AFF1: variants seen among roughly 807,000 people sequenced by gnomAD.
AFF1 encodes the protein AF4/FMR2 family member 1.
A neutral mutation model predicts 121.7 loss-of-function variants in AFF1; 48 were observed. The observed-to-expected ratio is 0.39, with a 90% confidence interval of 0.31 to 0.50. The LOEUF (loss-of-function observed/expected upper bound fraction) is 0.50. AFF1 is among the 20% of genes least tolerant of loss of function. AFF1 has a pLI of 0.76. For synonymous variants in AFF1, 613 were observed against 563.0 expected (o/e 1.09, Z -1.26); for missense variants, 1,523 against 1,511.7 (o/e 1.01, Z -0.12).
At chr4:86,991,850 T>TA (rs1724753634) in intron 2 of AFF1, among the ~76,000 whole-genome samples, 2 of 151,772 alleles carry the variant, frequency 1.3e-5, no homozygotes, top group Non-Finnish European at 2.9e-5. Flanking sequence ...TTTTTTTTTT[T>TA]TTTTACATCC....
intron 6 of AFF1, among the ~76,000 whole-genome samples, chr4:87,090,712 T>A (rs1303021586): frequency 6.6e-6 from 1 of 152,122 alleles, no homozygotes; most frequent in East Asian, 1.9e-4. Context: ...TCCATGATAC[T>A]GTTGTGAAAA....
At chr4:87,006,909 A>T in intron 2 of AFF1, 1 of 984,944 alleles carries the variant, frequency 1.0e-6, no homozygotes, top group Non-Finnish European at 1.2e-6. Flanking sequence ...CTGCCCATTT[A>T]AGTAGGCGGG....
chr4:87,035,332 A>C lies in AFF1; in HGVS notation c.39-10834A>C, dbSNP rs542828508. Among the ~76,000 whole-genome samples the C allele has an allele frequency of 3.6e-3, 541 of 152,132 alleles. 7 individuals are homozygous for C. The highest frequency in any genetic ancestry group is 0.013 in the African/African-American group (521 of 41,510). On this transcript the variant is annotated intron_variant, in intron 2 of 20. Coordinates refer to ENST00000395146, the MANE Select transcript of AFF1 (RefSeq NM_001166693.3). Reference sequence around the variant, plus strand: ...ATCCCAGCACTTTGGGAGGCCGAGGAGGGCAGATCACGAGGTCAGGAGATC... The same window carrying C: ...ATCCCAGCACTTTGGGAGGCCGAGGCGGGCAGATCACGAGGTCAGGAGATC...
intron 6 of AFF1, 54 bp downstream of exon 6, chr4:87,090,124 G>A (rs1560614731): frequency 1.4e-6 from 2 of 1,414,714 alleles, no homozygotes; most frequent in East Asian, 2.3e-5. Flanking sequence ...AAAAGCGTAA[G>A]GCATTGCTGT....
chr4:87,076,659 TTTG>T (rs933459255), intron 4 of AFF1, among the ~76,000 whole-genome samples: 15 of 152,226 alleles, frequency 9.9e-5, no homozygotes, highest in African/African-American at 3.6e-4. Flanking sequence ...ATGGCTGTTT[TTTG>T]TTGTTGTTTT....
intron 4 of AFF1, among the ~76,000 whole-genome samples, chr4:87,065,653 G>A (rs1046165566): frequency 1.6e-4 from 24 of 152,202 alleles, no homozygotes; most frequent in Non-Finnish European, 2.9e-5. Flanking sequence ...TATCATGGAG[G>A]AAAGACTGGT....
At chr4:87,123,328 C>T (rs550433128) in intron 12 of AFF1, among the ~76,000 whole-genome samples, 6 of 152,252 alleles carry the variant, frequency 3.9e-5, no homozygotes, top group South Asian at 2.1e-4. Flanking sequence ...TCTACTAAGT[C>T]ATTTCAGACT....
chr4:86,983,059 T>G (rs2149492970), intron 2 of AFF1, among the ~76,000 whole-genome samples: 1 of 152,038 alleles, frequency 6.6e-6, no homozygotes, highest in East Asian at 1.9e-4. Context: ...GTGTTTTGTT[T>G]TATAAGCCTG....
intron 1 of AFF1, among the ~76,000 whole-genome samples, chr4:86,941,244 C>G (rs2705616): frequency 0.41 from 61,722 of 152,144 alleles, 15,156 homozygotes; most frequent in South Asian, 0.59. Flanking sequence ...GGTACAGTGC[C>G]TCATGCCTGT....
At chr4:86,994,223 A>G (rs1313221708) in intron 2 of AFF1, among the ~76,000 whole-genome samples, 1 of 152,232 alleles carries the variant, frequency 6.6e-6, no homozygotes, top group African/African-American at 2.4e-5. Flanking sequence ...ATTAATCAAA[A>G]CACACGAAGT....
intron 2 of AFF1, among the ~76,000 whole-genome samples, chr4:87,031,096 A>G (rs1283262830): frequency 6.6e-6 from 1 of 152,138 alleles, no homozygotes; most frequent in Admixed American, 6.6e-5. Context: ...GCTCTGAAAG[A>G]TAATTGAGGC....
intron 14 of AFF1, 64 bp from the exon 15 acceptor site, chr4:87,126,962 G>A (rs116081280): frequency 0.025 from 34,481 of 1,389,066 alleles, 531 homozygotes; most frequent in Middle Eastern, 0.032. Flanking sequence ...AAGAGGGATG[G>A]TACTTTTAGG....
At chr4:87,028,402 T>G (rs917914274) in intron 2 of AFF1, among the ~76,000 whole-genome samples, 3 of 152,178 alleles carry the variant, frequency 2.0e-5, no homozygotes, top group African/African-American at 7.2e-5. Flanking sequence ...CTCATACCCC[T>G]AGTAAGATTT....
intron 4 of AFF1, among the ~76,000 whole-genome samples, chr4:87,069,324 G>C (rs1187714676): frequency 2.0e-5 from 2 of 100,806 alleles, no homozygotes; most frequent in African/African-American, 7.9e-5. Flanking sequence ...AATACCTCTT[G>C]AGATTTGCAT....
chr4:87,046,092 A>G (rs934602973), intron 2 of AFF1, 74 bp from the exon 3 acceptor site: 12 of 1,572,352 alleles, frequency 7.6e-6, no homozygotes, highest in African/African-American at 2.7e-5. Context: ...CCCTTCTCAC[A>G]TGTAAGTATG....
chr4:87,131,154 A>G lies in AFF1; in HGVS notation c.3036A>G (p.Thr1012=). 6.2e-7 allele frequency: 1 copy of G among 1,614,236 alleles called. No homozygotes were observed. Among genetic ancestry groups the G allele is most frequent in the Non-Finnish European group, 8.5e-7 (1 of 1,180,028 alleles). The change falls in exon 17 of 21, where the codon ACA becomes ACG. Residue 1012 remains threonine (T), a synonymous_variant. Transcript: ENST00000395146. ...CCTTCATTGAGTGCGGAATTGCCAC[A>G]GAGTCTGAAAGCCAGTCATCCAAGT... ...VLSFIECGIA[T]ESESQSSKSA... is the part of the protein sequence containing the mutation.
rs1728236956 is a variant in AFF1 at position 87,126,264 on chromosome 4, C to T, written c.2739C>T (p.Asn913=). 6.2e-7 allele frequency: 1 copy of T among 1,614,086 alleles called. No individual in the cohort carries two copies. The highest frequency in any genetic ancestry group is 2.2e-5 in the East Asian group (1 of 44,864). The part of the protein sequence containing the change: ...PPKSASSTKS[N]HKDSSIPKQR... ...AAAGTGCCAGCAGTACCAAGAGCAA[C>T]CACAAAGACTCTTCCATTCCCAAGC... Residue 913 remains asparagine (N), a synonymous_variant, in exon 14 of 21, where the codon AAC becomes AAT. Coordinates refer to ENST00000395146, the MANE Select transcript of AFF1 (RefSeq NM_001166693.3).
intron 12 of AFF1, among the ~76,000 whole-genome samples, chr4:87,117,532 A>G (rs372260385): frequency 5.9e-5 from 9 of 152,200 alleles, no homozygotes; most frequent in Admixed American, 2.0e-4. Context: ...CCTAGTGCCT[A>G]TCAGGGCTGG....
intron 2 of AFF1, among the ~76,000 whole-genome samples, chr4:86,957,102 T>C (rs898984922): frequency 5.3e-5 from 8 of 152,240 alleles, no homozygotes; most frequent in Non-Finnish European, 1.5e-5. Flanking sequence ...TTCAGTATAG[T>C]GGACACTAGT....
Sources: allele counts gnomAD v4.1 joint callset (sites outside exome capture counted in the v4.1 genomes callset), GRCh38; gene constraint gnomAD v4.1.1; transcripts MANE v1.5; gene names NCBI Gene and HGNC (gene_info 2026-07-23, HGNC 2026-07-21).